GALNTL6: variants seen among roughly 807,000 people sequenced by gnomAD.
The protein encoded by GALNTL6 is polypeptide N-acetylgalactosaminyltransferase like 6.
GALNTL6 carries 46 observed loss-of-function variants against 73.7 expected under a neutral mutation model. That is an observed-to-expected ratio of 0.62 (90% CI 0.49 to 0.80). The LOEUF is 0.80. GALNTL6 is among the 30% of genes least tolerant of loss of function. The pLI, the probability that GALNTL6 is intolerant of heterozygous loss-of-function variation, is 0.00. For missense variants in GALNTL6, 604 were observed against 755.0 expected (o/e 0.80, Z 2.34); for synonymous variants, 259 against 263.7 (o/e 0.98, Z 0.17).
At chr4:172,696,795 A>G (rs1445550409) in intron 5 of GALNTL6, among the ~76,000 whole-genome samples, 1 of 152,230 alleles carries the variant, frequency 6.6e-6, no homozygotes, top group Non-Finnish European at 1.5e-5. Context: ...GCGTGAGAAC[A>G]GACTAATACA....
At chr4:172,037,903 A>C (rs1579079349) in intron 2 of GALNTL6, among the ~76,000 whole-genome samples, 1 of 152,170 alleles carries the variant, frequency 6.6e-6, no homozygotes, top group Non-Finnish European at 1.5e-5. Flanking sequence ...GGATTACCTA[A>C]GGTCAGGAGT....
At chr4:172,594,060 AT>A in intron 5 of GALNTL6, among the ~76,000 whole-genome samples, 1 of 152,230 alleles carries the variant, frequency 6.6e-6, no homozygotes, top group African/African-American at 2.4e-5. Flanking sequence ...GAAATAAGAC[AT>A]TTTGGCTGGG....
Position 173,040,258 on chromosome 4 carries a change from T to C in GALNTL6, c.*158T>C. On this transcript the variant is annotated 3_prime_UTR_variant, in exon 13 of 13. Coordinates refer to ENST00000506823, the MANE Select transcript of GALNTL6 (RefSeq NM_001034845.3). The stretch of plus-strand genomic sequence containing the variant: ...TCAAAGTAGGTTGTTTTGAAGAACT[T>C]CCTGCATCTGAAGAACTTGGCTGAG... The C allele has an allele frequency of 1.8e-6, 1 of 543,750 alleles. No homozygotes were observed. Among genetic ancestry groups the C allele is most frequent in the Non-Finnish European group, 3.2e-6 (1 of 314,234 alleles). 33.7% of individuals were successfully genotyped at this position (543,750 alleles called of 1,614,324 possible). A position where few individuals can be genotyped will look rare whatever the true frequency, so the allele number is the denominator to read the frequency against.
At chr4:172,808,782 C>T (rs1741120319) in intron 5 of GALNTL6, among the ~76,000 whole-genome samples, 1 of 152,142 alleles carries the variant, frequency 6.6e-6, no homozygotes, top group Admixed American at 6.5e-5. Flanking sequence ...TTCCAAACGA[C>T]TGTATAGTAT....
intron 3 of GALNTL6, among the ~76,000 whole-genome samples, chr4:172,299,372 TTCTGC>T (rs1739818110): frequency 6.6e-6 from 1 of 152,252 alleles, no homozygotes; most frequent in Admixed American, 6.5e-5. Context: ...TTTCCTTCAG[TTCTGC>T]TCTGATCTTA....
At chr4:173,023,022 C>G (rs1753080196) in intron 12 of GALNTL6, among the ~76,000 whole-genome samples, 1 of 152,178 alleles carries the variant, frequency 6.6e-6, no homozygotes, top group South Asian at 2.1e-4. Flanking sequence ...CTTCTGTTTG[C>G]TTTTTCACAC....
chr4:172,715,437 G>A (rs572696372), intron 5 of GALNTL6, among the ~76,000 whole-genome samples: 1 of 152,326 alleles, frequency 6.6e-6, no homozygotes, highest in African/African-American at 2.4e-5. Flanking sequence ...ACAGCAGGCA[G>A]AGATACTAAA....
intron 7 of GALNTL6, among the ~76,000 whole-genome samples, chr4:172,849,575 GAA>G (rs1743703945): frequency 6.6e-6 from 1 of 152,142 alleles, no homozygotes; most frequent in South Asian, 2.1e-4. Context: ...ACTAAGAATA[GAA>G]AATATGATTC....
chr4:172,535,902 T>G (rs1735330521), intron 5 of GALNTL6, among the ~76,000 whole-genome samples: 1 of 152,136 alleles, frequency 6.6e-6, no homozygotes, highest in Non-Finnish European at 1.5e-5. Context: ...ACTGATATGG[T>G]TTGGTTGTGT....
intron 8 of GALNTL6, among the ~76,000 whole-genome samples, chr4:172,894,525 G>A (rs1746218331): frequency 6.6e-6 from 1 of 151,950 alleles, no homozygotes; most frequent in African/African-American, 2.4e-5. Flanking sequence ...ATTGATTCTG[G>A]CTTTATTCTA....
intron 2 of GALNTL6, among the ~76,000 whole-genome samples, chr4:172,209,276 A>G (rs1387599406): frequency 1.3e-5 from 2 of 152,056 alleles, no homozygotes; most frequent in East Asian, 1.9e-4. Flanking sequence ...GAAATTATCC[A>G]TGACAAGCTC....
intron 5 of GALNTL6, among the ~76,000 whole-genome samples, chr4:172,659,119 A>T (rs1731236697): frequency 6.6e-6 from 1 of 152,222 alleles, no homozygotes; most frequent in African/African-American, 2.4e-5. Flanking sequence ...TTTAATTTAT[A>T]AATGAATGAA....
rs1753840928 is a variant in GALNTL6 at position 173,039,994 on chromosome 4, A to T, written c.1700A>T (p.Lys567Met). 6.2e-7 allele frequency: 1 copy of T among 1,613,906 alleles called. No individual in the cohort carries two copies. The highest frequency in any genetic ancestry group is 8.5e-7 in the Non-Finnish European group (1 of 1,179,766). ...SCMDCNPAEK[K>M]IFMARCDPLS... ...ATGGATTGCAACCCCGCAGAGAAGA[A>T]GATTTTCATGGCCAGATGTGACCCT... The change falls in exon 13 of 13, where the codon AAG becomes ATG. Residue 567 changes from lysine to methionine, a missense_variant. Lys to Met is a moderately conservative substitution (Grantham distance 95). Around this residue, in one of 5 missense-constraint regions of GALNTL6, gnomAD observed 261 missense variants for 296.5 expected, o/e 0.88. Coordinates refer to ENST00000506823, the MANE Select transcript of GALNTL6 (RefSeq NM_001034845.3).
chr4:172,476,922 CTT>C (rs149479550), intron 5 of GALNTL6, among the ~76,000 whole-genome samples: 1,179 of 113,330 alleles, frequency 0.01, 10 homozygotes, highest in African/African-American at 0.029. Context: ...GCTTAAGAGA[CTT>C]TTTTTTTTTT....
intron 12 of GALNTL6, among the ~76,000 whole-genome samples, chr4:173,039,716 A>G (rs1157440015): frequency 6.6e-6 from 1 of 152,198 alleles, no homozygotes; most frequent in Non-Finnish European, 1.5e-5. Context: ...TCTCTAATTG[A>G]ACCTGCTTGT....
chr4:172,999,893 A>G (rs1461339758), intron 10 of GALNTL6, among the ~76,000 whole-genome samples: 3 of 152,230 alleles, frequency 2.0e-5, no homozygotes, highest in Non-Finnish European at 2.9e-5. Flanking sequence ...TGTCTTTCTC[A>G]TAATCACCAG....
At chr4:172,456,774 C>T (rs185695888) in intron 5 of GALNTL6, among the ~76,000 whole-genome samples, 1 of 152,150 alleles carries the variant, frequency 6.6e-6, no homozygotes, top group Non-Finnish European at 1.5e-5. Context: ...TTGGAAAACA[C>T]TCTTCAGGAT....
At chr4:172,474,795 T>G (rs1197124738) in intron 5 of GALNTL6, among the ~76,000 whole-genome samples, 4 of 152,218 alleles carry the variant, frequency 2.6e-5, no homozygotes, top group African/African-American at 9.6e-5. Flanking sequence ...CTTGGGTCAT[T>G]TTTCTGTGAT....
At chr4:172,536,509 A>C (rs1476538286) in intron 5 of GALNTL6, among the ~76,000 whole-genome samples, 1 of 152,142 alleles carries the variant, frequency 6.6e-6, no homozygotes, top group Non-Finnish European at 1.5e-5. Context: ...AAGTGGAATA[A>C]AGGTGACTCT....
Sources: gnomAD v4.1 joint callset for allele counts (sites outside exome capture counted in the v4.1 genomes callset) on GRCh38, gnomAD v4.1.1 for gene constraint, gnomAD v4.1.1 regional missense constraint, MANE v1.5 for transcripts, NCBI Gene and HGNC (gene_info 2026-07-23, HGNC 2026-07-21) for gene names.